Variants in RAN observed in about 807,000 individuals in gnomAD.
The protein encoded by RAN is GTP-binding nuclear protein Ran.
In RAN, 2 loss-of-function variants were observed where a neutral mutation model predicts 26.8. The ratio of observed to expected loss-of-function variants is 0.07; its 90% CI spans 0.03 to 0.23. The LOEUF is 0.23. Among genes scored for constraint, RAN ranks in the 10% least tolerant of loss-of-function variants. RAN has a pLI of 1.00. For synonymous variants in RAN, 132 were observed against 95.9 expected (o/e 1.38, Z -2.20); for missense variants, 56 against 264.8 (o/e 0.21, Z 5.47).
intron 5 of RAN, 68 bp from the exon 6 acceptor site, chr12:130,875,544 A>G: frequency 7.4e-7 from 1 of 1,350,032 alleles, no homozygotes. Flanking sequence ...CTTATCTTGC[A>G]ATGTCCTAGA....
chr12:130,874,866 A>C, intron 5 of RAN, 133 bp downstream of exon 5: 2 of 782,028 alleles, frequency 2.6e-6, no homozygotes, highest in East Asian at 2.9e-5. Context: ...TCTGTCCCCC[A>C]TGCTGGAGTG....
In RAN at chr12:130,875,644, C is replaced by T. The variant is rs772049176; in HGVS notation, c.468C>T (p.Asn156=). 6 of 1,609,032 alleles carry T rather than the reference C, an allele frequency of 3.7e-6. No individual in the cohort carries two copies. Among genetic ancestry groups the T allele is most frequent in the Middle Eastern group, 1.7e-4 (1 of 6,032 alleles). Residue 156 remains asparagine, a synonymous_variant, in exon 6 of 7, where the codon AAC becomes AAT. Coordinates refer to ENST00000543796, the MANE Select transcript of RAN (RefSeq NM_006325.5). ...YYDISAKSNY[N]FEKPFLWLAR... is the part of the protein sequence containing the mutation. ...ACATTTCTGCCAAAAGTAACTACAA[C>T]TTTGAAAAGCCCTTCCTCTGGCTTG...
chr12:130,875,899 T>C lies in RAN; in HGVS notation c.624T>C (p.Ala208=). The C allele has an allele frequency of 1.9e-6, 3 of 1,614,200 alleles. No homozygotes were observed. The highest frequency in any genetic ancestry group is 2.5e-6 in the Non-Finnish European group (3 of 1,180,036). Residue 208 remains alanine, a synonymous_variant, in exon 7 of 7, where the codon GCT becomes GCC. Coordinates refer to ENST00000543796, the MANE Select transcript of RAN (RefSeq NM_006325.5). ...TCGTCTAGGTTGCTCAGACAACTGCTCTCCCGGATGAGGATGATGACCTGT... is the reference window on the plus strand; with the variant it reads ...TCGTCTAGGTTGCTCAGACAACTGCCCTCCCGGATGAGGATGATGACCTGT... ...EHDLEVAQTT[A]LPDEDDDL
At chr12:130,873,374 A>T in intron 4 of RAN, 1 of 438,864 alleles carries the variant, frequency 2.3e-6, no homozygotes, top group Admixed American at 3.8e-5. Context: ...GGGACTTATA[A>T]GTCATATTTA....
rs573928827 is a variant in RAN at position 130,872,782 on chromosome 12, G to C, written c.37-54G>C. Reference sequence around the variant, plus strand: ...GGTGGTTAAAGTTCCGTGACTCTGGGATCTTGAGAGGTGAAGTGTTTAGGG... The same window carrying C: ...GGTGGTTAAAGTTCCGTGACTCTGGCATCTTGAGAGGTGAAGTGTTTAGGG... On this transcript the variant is annotated intron_variant, in intron 2 of 6. Coordinates refer to ENST00000543796, the MANE Select transcript of RAN (RefSeq NM_006325.5). 4 of 1,599,056 alleles carry C rather than the reference G, an allele frequency of 2.5e-6. No homozygotes were observed. In the African/African-American group the frequency reaches 4.0e-5, roughly 16 times the overall value.
At position 130,875,025 on chromosome 12, in the gene RAN, C is replaced by A. The variant is rs369133077; in HGVS notation, c.435+292C>A. On this transcript the variant is annotated intron_variant, in intron 5 of 6. Transcript: ENST00000543796. The stretch of plus-strand genomic sequence containing the variant: ...TTTCTAGTAGAGACGGGGTTTCCAC[C>A]ATGTTGGTCAGGCTGATCTCCAACT... Among the ~76,000 whole-genome samples the A allele has an allele frequency of 2.2e-4, 33 of 152,164 alleles. 1 individual carries two copies. In the East Asian group the frequency reaches 5.8e-3, roughly 27 times the overall value.
intron 4 of RAN, chr12:130,874,282 ATTAC>A: frequency 2.6e-6 from 1 of 390,860 alleles, no homozygotes; most frequent in Non-Finnish European, 4.6e-6. Context: ...TTTAGCATTA[ATTAC>A]TTCAGATACT....
At chr12:130,872,443 C>A (rs1373663455) in intron 1 of RAN, 141 bp from the exon 2 acceptor site, 7 of 357,006 alleles carry the variant, frequency 2.0e-5, no homozygotes, top group Non-Finnish European at 2.9e-5. Flanking sequence ...GCCGCCTTCC[C>A]GCTCCCAGGC....
At chr12:130,874,518 G>T (rs751492702) in intron 4 of RAN, 28 bp from the exon 5 acceptor site, 1 of 1,505,408 alleles carries the variant, frequency 6.6e-7, no homozygotes, top group Admixed American at 1.7e-5. Flanking sequence ...TAAACTGAGT[G>T]TACTAATTCC....
chr12:130,877,367 TTCTTAAG>T lies in RAN; in HGVS notation c.*1442_*1448del, dbSNP rs1192803166. On this transcript the variant is annotated 3_prime_UTR_variant, in exon 7 of 7. Coordinates refer to ENST00000543796, the MANE Select transcript of RAN (RefSeq NM_006325.5). ...CTGTATTAACTGGCAACAGTTGAGT[TTCTTAAG>T]ATCTGAATTGCTGTGTATGTTACGC... 6.6e-6 allele frequency: 1 copy of T among 152,218 alleles called. No individual in the cohort carries two copies. Among genetic ancestry groups the T allele is most frequent in the African/African-American group, 2.4e-5 (1 of 41,466 alleles). The allele number at this position is 152,218 out of a possible 1,614,324, so 9.4% of individuals were successfully genotyped here.
Position 130,874,597 on chromosome 12 carries a change from A to G in RAN, c.299A>G (p.Asn100Ser). ...FDVTSRVTYK[N>S]VPNWHRDLVR... ...GTAACATCGAGAGTTACTTACAAGA[A>G]TGTGCCTAACTGGCATAGAGATCTG... Residue 100 changes from asparagine (N) to serine (S), a missense_variant, in exon 5 of 7, where the codon AAT (asparagine) becomes AGT (serine). By Grantham distance (46) the Asn-to-Ser change is conservative. Around this residue, in one of 2 missense-constraint regions of RAN, gnomAD observed 39 missense variants for 248.7 expected, o/e 0.16. Transcript: ENST00000543796. The G allele has an allele frequency of 6.2e-7, 1 of 1,602,816 alleles. No homozygotes were observed. Among genetic ancestry groups the G allele is most frequent in the Non-Finnish European group, 8.5e-7 (1 of 1,170,642 alleles).
At chr12:130,875,805 C>T (rs1953228112) in intron 6 of RAN, 23 bp downstream of exon 6, 1 of 1,613,964 alleles carries the variant, frequency 6.2e-7, no homozygotes, top group Non-Finnish European at 8.5e-7. Flanking sequence ...CTTTGCTGTT[C>T]AGATTGTTCG....
At chr12:130,873,929 C>G in intron 4 of RAN, 1 of 231,210 alleles carries the variant, frequency 4.3e-6, no homozygotes, top group South Asian at 4.1e-5. Context: ...TGGAGTGCAG[C>G]TTCCGCCTCC....
chr12:130,874,363 C>T, intron 4 of RAN, 183 bp from the exon 5 acceptor site: 1 of 555,100 alleles, frequency 1.8e-6, no homozygotes, highest in Non-Finnish European at 3.2e-6. Flanking sequence ...CAGCTCATCT[C>T]TCTTAGGAGG....
At position 130,875,925 on chromosome 12, in the gene RAN, G is replaced by A. The variant is rs1196344799; in HGVS notation, c.650G>A (p.Ter217=). ...TALPDEDDDL[*] ...CTCCCGGATGAGGATGATGACCTGT[G>A]AGAATGAAGCTGGAGCCCAGCGTCA... is the stretch of plus-strand genomic sequence containing the variant. The change falls in exon 7 of 7, where the codon TGA becomes TAA. Residue 217 remains the stop codon, a stop_retained_variant. Transcript: ENST00000543796. 6.2e-7 allele frequency: 1 copy of A among 1,614,000 alleles called. No individual in the cohort carries two copies. Among genetic ancestry groups the A allele is most frequent in the East Asian group, 2.2e-5 (1 of 44,894 alleles).
In RAN at chr12:130,877,397, C is replaced by A. The variant is rs779628246; in HGVS notation, c.*1471C>A. 6.6e-6 allele frequency: 1 copy of A among 152,196 alleles called. No homozygotes were observed. Among genetic ancestry groups the A allele is most frequent in the African/African-American group, 2.4e-5 (1 of 41,442 alleles). The allele number at this position is 152,196 out of a possible 1,614,324, so 9.4% of individuals were successfully genotyped here. ...AAGATCTGAATTGCTGTGTATGTTA[C>A]GCTGTATTCAGAACCAGTTTCTAAC... On this transcript the variant is annotated 3_prime_UTR_variant, in exon 7 of 7. Coordinates refer to ENST00000543796, the MANE Select transcript of RAN (RefSeq NM_006325.5).
rs1186286632 is a variant in RAN at position 130,876,830 on chromosome 12, A to G, written c.*904A>G. The G allele has an allele frequency of 6.6e-6, 1 of 152,178 alleles. No individual in the cohort carries two copies. Among genetic ancestry groups the G allele is most frequent in the Non-Finnish European group, 1.5e-5 (1 of 68,016 alleles). The allele number at this position is 152,178 out of a possible 1,614,324, so 9.4% of individuals were successfully genotyped here. A position where few individuals can be genotyped will look rare whatever the true frequency, so the allele number is the denominator to read the frequency against. ...AGTTGATACGCAAGGAAAATGGTCC[A>G]TGTTTACCCACAGTTTTCAGGTACT... On this transcript the variant is annotated 3_prime_UTR_variant, in exon 7 of 7. Transcript: ENST00000543796.
Position 130,877,262 on chromosome 12 carries a change from T to C in RAN, c.*1336T>C, listed in dbSNP as rs1334113995. The C allele has an allele frequency of 6.6e-6, 1 of 152,186 alleles. No homozygotes were observed. Among genetic ancestry groups the C allele is most frequent in the Non-Finnish European group, 1.5e-5 (1 of 68,036 alleles). The allele number at this position is 152,186 out of a possible 1,614,324, so 9.4% of individuals were successfully genotyped here. A position where few individuals can be genotyped will look rare whatever the true frequency, so the allele number is the denominator to read the frequency against. On this transcript the variant is annotated 3_prime_UTR_variant, in exon 7 of 7. Transcript: ENST00000543796. ...TGTCTGATAATCTTGAGATGATTGCTTACCTTAAAAGGTATAGAAAGGATC... is the reference window on the plus strand; with the variant it reads ...TGTCTGATAATCTTGAGATGATTGCCTACCTTAAAAGGTATAGAAAGGATC...
Position 130,874,604 on chromosome 12 carries a change from T to A in RAN, c.306T>A (p.Pro102=), listed in dbSNP as rs925441921. ...VTSRVTYKNV[P]NWHRDLVRVC... ...CGAGAGTTACTTACAAGAATGTGCC[T>A]AACTGGCATAGAGATCTGGTACGAG... The change falls in exon 5 of 7, where the codon CCT becomes CCA. Residue 102 remains proline, a synonymous_variant. Transcript: ENST00000543796. 6.2e-7 allele frequency: 1 copy of A among 1,604,730 alleles called. No individual in the cohort carries two copies. Among genetic ancestry groups the A allele is most frequent in the Non-Finnish European group, 8.5e-7 (1 of 1,172,280 alleles).
Sources: gnomAD v4.1 joint callset for allele counts (sites outside exome capture counted in the v4.1 genomes callset) on GRCh38, gnomAD v4.1.1 for gene constraint, gnomAD v4.1.1 regional missense constraint, MANE v1.5 for transcripts, NCBI Gene and HGNC (gene_info 2026-07-23, HGNC 2026-07-21) for gene names.